The following SLX4IP variants were observed in gnomAD, a reference collection of about 807,000 sequenced individuals.
The protein encoded by SLX4IP is protein SLX4IP.
SLX4IP carries 34 observed loss-of-function variants against 32.9 expected under a neutral mutation model. The observed-to-expected ratio is 1.03, with a 90% CI of 0.79 to 1.38. The LOEUF (loss-of-function observed/expected upper bound fraction) is 1.38. Among genes scored for constraint, SLX4IP ranks in the 40% most tolerant of loss-of-function variants. The probability of loss-of-function intolerance (pLI) is 0.00; values close to 1 mark genes in which losing one functional copy is unlikely to be tolerated. For synonymous variants in SLX4IP, 172 were observed against 171.7 expected (o/e 1.00, Z -0.01); for missense variants, 444 against 479.0 (o/e 0.93, Z 0.68).
intron 2 of SLX4IP, among the ~76,000 whole-genome samples, chr20:10,506,299 T>C (rs1044698123): frequency 6.6e-6 from 1 of 152,254 alleles, no homozygotes; most frequent in Non-Finnish European, 1.5e-5. Flanking sequence ...TAATGATTCC[T>C]TTTCAGATGG....
chr20:10,538,078 G>A (rs2066064890), intron 2 of SLX4IP, among the ~76,000 whole-genome samples: 1 of 152,182 alleles, frequency 6.6e-6, no homozygotes, highest in Admixed American at 6.5e-5. Flanking sequence ...AGCAGTCATT[G>A]ACAACTTCTG....
Position 10,546,681 on chromosome 20 carries a change from T to C in SLX4IP, c.28-9550T>C, listed in dbSNP as rs150758909. 4.5e-3 allele frequency among the ~76,000 whole-genome samples: 687 copies of C among 152,314 alleles called. 10 individuals carry two copies. Among genetic ancestry groups the C allele is most frequent in the Non-Finnish European group, 5.3e-3 (361 of 68,038 alleles). On this transcript the variant is annotated intron_variant, in intron 2 of 7. Coordinates refer to ENST00000334534, the MANE Select transcript of SLX4IP (RefSeq NM_001009608.3). Reference sequence around the variant, plus strand: ...AGTTTTCATTGCTATCTCCATTTTATGTTGGAGGAACTTAACCTGTGTCTC... The same window carrying C: ...AGTTTTCATTGCTATCTCCATTTTACGTTGGAGGAACTTAACCTGTGTCTC...
chr20:10,526,259 G>A (rs867878788), intron 2 of SLX4IP, among the ~76,000 whole-genome samples: 11 of 152,324 alleles, frequency 7.2e-5, no homozygotes, highest in African/African-American at 2.6e-4. Flanking sequence ...TTGAGAAAGA[G>A]AATGGTTCCC....
At chr20:10,533,266 C>T (rs1402674510) in intron 2 of SLX4IP, among the ~76,000 whole-genome samples, 1 of 152,122 alleles carries the variant, frequency 6.6e-6, no homozygotes, top group African/African-American at 2.4e-5. Context: ...CAACTCATGT[C>T]TTCTCGATGG....
intron 2 of SLX4IP, among the ~76,000 whole-genome samples, chr20:10,502,472 G>T (rs927151224): frequency 6.6e-6 from 1 of 152,190 alleles, no homozygotes; most frequent in African/African-American, 2.4e-5. Flanking sequence ...GCATGTGCAT[G>T]CACACTCACA....
rs761325997 is a variant in SLX4IP at position 10,556,258 on chromosome 20, C to A, written c.55C>A (p.Leu19Ile). The change falls in exon 3 of 8, where the codon CTT becomes ATT. Residue 19 changes from leucine (L) to isoleucine (I), a missense_variant. Transcript: ENST00000334534. ...KCGNFAVLVD[L>I]HILPQGSNKD... ...TGGGAATTTTGCTGTCCTCGTGGAT[C>A]TTCATATCTTGCCACAAGGTTCAAA... 3 of 1,613,520 alleles carry A rather than the reference C, an allele frequency of 1.9e-6. No individual in the cohort carries two copies. The South Asian group carries it at 3.3e-5, about 18-fold the overall frequency.
intron 6 of SLX4IP, chr20:10,612,931 C>T (rs1419140772): frequency 1.2e-5 from 2 of 160,182 alleles, no homozygotes; most frequent in African/African-American, 4.8e-5. Flanking sequence ...TAATTTAACA[C>T]CTGTACATCA....
intron 1 of SLX4IP, among the ~76,000 whole-genome samples, chr20:10,445,599 G>A (rs1376504292): frequency 6.7e-6 from 1 of 149,268 alleles, no homozygotes; most frequent in African/African-American, 2.5e-5. Context: ...ACAGATGTGA[G>A]CCACCATGCC....
rs1305741383 is a variant in SLX4IP, at chr20:10,621,423, A to G, written c.506+9A>G. The G allele has an allele frequency of 3.7e-6, 6 of 1,612,990 alleles. No individual in the cohort carries two copies. The highest frequency in any genetic ancestry group is 1.3e-5 in the African/African-American group (1 of 74,888). On this transcript the variant is annotated intron_variant, in intron 7 of 7. Coordinates refer to ENST00000334534, the MANE Select transcript of SLX4IP (RefSeq NM_001009608.3). ...AATGCTCTGAAAGAAATGTAGGTGCAATGTGTTTCCTTTTTCTCATTTTTG... is the reference window on the plus strand; with the variant it reads ...AATGCTCTGAAAGAAATGTAGGTGCGATGTGTTTCCTTTTTCTCATTTTTG...
chr20:10,441,587 A>G (rs1223475844), intron 1 of SLX4IP, among the ~76,000 whole-genome samples: 1 of 152,176 alleles, frequency 6.6e-6, no homozygotes, highest in Non-Finnish European at 1.5e-5. Context: ...GAGTAACTAA[A>G]AGGTAGCACT....
chr20:10,569,276 C>T (rs1219962460), intron 4 of SLX4IP, among the ~76,000 whole-genome samples: 2 of 151,680 alleles, frequency 1.3e-5, no homozygotes, highest in South Asian at 2.1e-4. Flanking sequence ...ACCTCTGCCT[C>T]CCAGGTTCAA....
At chr20:10,557,885 A>G (rs139888301) in intron 3 of SLX4IP, among the ~76,000 whole-genome samples, 2 of 152,248 alleles carry the variant, frequency 1.3e-5, no homozygotes, top group Non-Finnish European at 2.9e-5. Context: ...TACCTACTTG[A>G]GGGCAGCAGG....
At chr20:10,544,218 C>G (rs1047652003) in intron 2 of SLX4IP, among the ~76,000 whole-genome samples, 8 of 152,144 alleles carry the variant, frequency 5.3e-5, no homozygotes, top group Non-Finnish European at 1.2e-4. Flanking sequence ...CCTTTCCTTT[C>G]TGTTTCTTCC....
chr20:10,552,412 T>C (rs1373338639), intron 2 of SLX4IP, among the ~76,000 whole-genome samples: 4 of 151,996 alleles, frequency 2.6e-5, no homozygotes, highest in Non-Finnish European at 4.4e-5. Context: ...TTTTTTCTTT[T>C]TTTTTTTCAC....
chr20:10,523,695 T>C (rs2065918331), intron 2 of SLX4IP, among the ~76,000 whole-genome samples: 1 of 152,260 alleles, frequency 6.6e-6, no homozygotes, highest in South Asian at 2.1e-4. Context: ...AATGAATGAA[T>C]AATTTATTGC....
chr20:10,500,973 G>A (rs1341196319), intron 2 of SLX4IP, among the ~76,000 whole-genome samples: 2 of 152,166 alleles, frequency 1.3e-5, no homozygotes, highest in African/African-American at 4.8e-5. Context: ...GGGAGATAAT[G>A]CATTAGAATC....
At chr20:10,558,244 G>A (rs2066289010) in intron 3 of SLX4IP, among the ~76,000 whole-genome samples, 1 of 151,752 alleles carries the variant, frequency 6.6e-6, no homozygotes, top group Non-Finnish European at 1.5e-5. Flanking sequence ...GGAGGCTGAG[G>A]TGGGGGGATC....
intron 4 of SLX4IP, among the ~76,000 whole-genome samples, chr20:10,595,461 C>T (rs1055904665): frequency 3.3e-4 from 50 of 152,306 alleles, no homozygotes; most frequent in African/African-American, 1.2e-3. Flanking sequence ...ACCAGCATAG[C>T]GAGCTGGGAG....
At chr20:10,617,292 A>G (rs1035985876) in intron 6 of SLX4IP, among the ~76,000 whole-genome samples, 9 of 152,208 alleles carry the variant, frequency 5.9e-5, no homozygotes, top group African/African-American at 2.2e-4. Context: ...CCCTCGCCCC[A>G]TCCCAGATCT....
Sources: allele counts gnomAD v4.1 joint callset (sites outside exome capture counted in the v4.1 genomes callset), GRCh38; gene constraint gnomAD v4.1.1; transcripts MANE v1.5; gene names NCBI Gene and HGNC (gene_info 2026-07-23, HGNC 2026-07-21).